CDH17: variants seen among roughly 807,000 people sequenced by gnomAD.
CDH17 encodes cadherin-17.
A neutral mutation model predicts 86.3 loss-of-function variants in CDH17; 67 were observed. That is an observed-to-expected ratio of 0.78 (90% CI 0.64 to 0.95). The LOEUF (loss-of-function observed/expected upper bound fraction) is 0.95. Among genes scored for constraint, CDH17 ranks in the 40% least tolerant of loss-of-function variants. The pLI is 0.00. For synonymous variants in CDH17, 367 were observed against 366.4 expected, an observed-to-expected ratio of 1.00 and a Z score of -0.02; for missense variants, 993 against 1,017.6, an observed-to-expected ratio of 0.98 and a Z score of 0.33.
chr8:94,156,002 C>T (rs1008693841), intron 12 of CDH17, among the ~76,000 whole-genome samples: 5 of 152,154 alleles, frequency 3.3e-5, no homozygotes, highest in African/African-American at 7.2e-5. Context: ...AAGCCTTGTC[C>T]GGCCACGTGC....
intron 15 of CDH17, among the ~76,000 whole-genome samples, chr8:94,136,631 G>A (rs1487963964): frequency 1.3e-5 from 2 of 152,188 alleles, no homozygotes; most frequent in Non-Finnish European, 1.5e-5. Context: ...ACCTTCTGAA[G>A]CCTGCTTCTG....
At chr8:94,151,829 A>C (rs1384862641) in intron 13 of CDH17, 39 bp downstream of exon 13, 3 of 1,611,496 alleles carry the variant, frequency 1.9e-6, no homozygotes, top group Non-Finnish European at 1.7e-6. Context: ...GGCTTTGGTG[A>C]CCACGCAGCC....
chr8:94,180,709 C>T (rs1473076057), intron 3 of CDH17, among the ~76,000 whole-genome samples: 7 of 152,054 alleles, frequency 4.6e-5, no homozygotes, highest in Non-Finnish European at 8.8e-5. Context: ...TCCTGGCTAA[C>T]ACGGTGAAAC....
chr8:94,201,219 T>C (rs1223939532), intron 1 of CDH17, among the ~76,000 whole-genome samples: 1 of 152,190 alleles, frequency 6.6e-6, no homozygotes, highest in Non-Finnish European at 1.5e-5. Context: ...AATGTATCTC[T>C]GTGTCTCACT....
rs565658333 is a variant in CDH17, at chr8:94,161,340, C to T, written c.1359+746G>A. On this transcript the variant is annotated intron_variant, in intron 11 of 17. Coordinates refer to ENST00000027335, the MANE Select transcript of CDH17 (RefSeq NM_004063.4). ...AATCAATTCCCTTCTTTGTTGCAGG[C>T]TTGTCCCTATTTTGATTTATGAACA... Among the ~76,000 whole-genome samples the T allele has an allele frequency of 2.0e-5, 3 of 152,298 alleles. No individual in the cohort carries two copies. In the South Asian group the frequency reaches 6.2e-4, roughly 32 times the overall value.
At chr8:94,145,798 C>G in intron 15 of CDH17, 130 bp downstream of exon 15, 1 of 1,050,972 alleles carries the variant, frequency 9.5e-7, no homozygotes, top group Non-Finnish European at 1.4e-6. Flanking sequence ...GTACAAGCTT[C>G]CAAAGCATGA....
intron 15 of CDH17, among the ~76,000 whole-genome samples, chr8:94,138,827 C>T (rs1200705093): frequency 1.3e-5 from 2 of 152,184 alleles, no homozygotes; most frequent in Non-Finnish European, 2.9e-5. Flanking sequence ...AAATGCTGCC[C>T]TGGCCCTATC....
At chr8:94,151,143 C>A (rs2130602496) in intron 13 of CDH17, among the ~76,000 whole-genome samples, 1 of 152,284 alleles carries the variant, frequency 6.6e-6, no homozygotes, top group South Asian at 2.1e-4. Flanking sequence ...GTGTAATGTA[C>A]AACAGCAGCG....
At chr8:94,145,092 A>G (rs1812714891) in intron 15 of CDH17, among the ~76,000 whole-genome samples, 1 of 152,220 alleles carries the variant, frequency 6.6e-6, no homozygotes, top group African/African-American at 2.4e-5. Flanking sequence ...AAGTAGTTCA[A>G]CCTTTCCTTA....
In CDH17 at chr8:94,146,109, G is replaced by T. The variant is rs779412799; in HGVS notation, c.1986C>A (p.Asp662Glu). 4.3e-6 allele frequency: 7 copies of T among 1,611,678 alleles called. 1 individual carries two copies. The South Asian group carries it at 6.6e-5, about 15-fold the overall frequency. ...EFHLILMDVN[D>E]NPPRLAKDYT... ...AGTCCTTGGCTAGCCTGGGAGGGTT[G>T]TCATTCACATCCATAAGGATCAGGT... Residue 662 changes from aspartate to glutamate, a missense_variant, in exon 15 of 18, where the codon GAC becomes GAA. Coordinates refer to ENST00000027335, the MANE Select transcript of CDH17 (RefSeq NM_004063.4).
chr8:94,172,670 C>T lies in CDH17; in HGVS notation c.783+1127G>A, dbSNP rs1813292074. 2.6e-5 allele frequency among the ~76,000 whole-genome samples: 4 copies of T among 152,196 alleles called. No homozygotes were observed. The South Asian group carries it at 8.3e-4, about 32-fold the overall frequency. On this transcript the variant is annotated intron_variant, in intron 7 of 17. Transcript: ENST00000027335. ...GAATATGATTTTGTTCATCTGCTTC[C>T]AAATCCAGGGATCTCCCACTAACCC...
At chr8:94,167,072 T>A in intron 9 of CDH17, among the ~76,000 whole-genome samples, 1 of 152,178 alleles carries the variant, frequency 6.6e-6, no homozygotes, top group East Asian at 1.9e-4. Context: ...CTAGATTGCA[T>A]CTAAGCAACT....
At chr8:94,172,880 G>A (rs549473896) in intron 7 of CDH17, among the ~76,000 whole-genome samples, 1 of 152,272 alleles carries the variant, frequency 6.6e-6, no homozygotes, top group South Asian at 2.1e-4. Context: ...AGTGCCAGGG[G>A]TGAGGGAGTT....
At position 94,130,924 on chromosome 8, in the gene CDH17, T is replaced by C. The variant is rs773474977; in HGVS notation, c.2236A>G (p.Ile746Val). 1 of 1,612,386 alleles carries C rather than the reference T, an allele frequency of 6.2e-7. No individual in the cohort carries two copies. Among genetic ancestry groups the C allele is most frequent in the South Asian group, 1.1e-5 (1 of 91,052 alleles). Residue 746 changes from isoleucine (I) to valine (V), a missense_variant, in exon 16 of 18, where the codon ATC (isoleucine) becomes GTC (valine). Coordinates refer to ENST00000027335, the MANE Select transcript of CDH17 (RefSeq NM_004063.4). ...EEREYVVLIR[I>V]NDGGRPPLEG... ...AAGGGTGGCCGACCCCCATCATTGA[T>C]GCGGATCAAGACGACATACTCCCTC...
At chr8:94,151,169 A>G (rs1193686633) in intron 13 of CDH17, among the ~76,000 whole-genome samples, 1 of 152,254 alleles carries the variant, frequency 6.6e-6, no homozygotes, top group African/African-American at 2.4e-5. Context: ...TCTGAGTTCA[A>G]GTCTTAACTA....
At chr8:94,149,686 G>A (rs1013132174) in intron 13 of CDH17, among the ~76,000 whole-genome samples, 1 of 152,194 alleles carries the variant, frequency 6.6e-6, no homozygotes, top group African/African-American at 2.4e-5. Context: ...GCAGAAGGTG[G>A]CAAAAGGTGA....
chr8:94,213,440 A>G (rs1022711676), upstream of CDH17, among the ~76,000 whole-genome samples: 16 of 152,210 alleles, frequency 1.1e-4, no homozygotes, highest in Non-Finnish European at 1.0e-4. Flanking sequence ...GTCTGAGATA[A>G]TGATGCAGTC....
intron 3 of CDH17, among the ~76,000 whole-genome samples, chr8:94,180,681 A>G (rs28840369): frequency 0.56 from 85,073 of 151,904 alleles, 25,122 homozygotes; most frequent in African/African-American, 0.75. Context: ...CAGTCACGAG[A>G]TTAGGAGATC....
chr8:94,127,506 C>CTTTTAT lies in CDH17; in HGVS notation c.*728_*733dup, dbSNP rs1213234404. 6.6e-6 allele frequency: 1 copy of CTTTTAT among 152,168 alleles called. No homozygotes were observed. Among genetic ancestry groups the CTTTTAT allele is most frequent in the African/African-American group, 2.4e-5 (1 of 41,464 alleles). The allele number at this position is 152,168 out of a possible 1,614,324, so 9.4% of individuals were successfully genotyped here. A position where few individuals can be genotyped will look rare whatever the true frequency, so the allele number is the denominator to read the frequency against. The stretch of plus-strand genomic sequence containing the variant: ...GTTAATACTAAGGGAAAAGGCTGTT[C>CTTTTAT]TTTTATTTATTTATTTTTCCTGAGT... On this transcript the variant is annotated 3_prime_UTR_variant, in exon 18 of 18. Coordinates refer to ENST00000027335, the MANE Select transcript of CDH17 (RefSeq NM_004063.4).
Sources: gnomAD v4.1 joint callset for allele counts (sites outside exome capture counted in the v4.1 genomes callset) on GRCh38, gnomAD v4.1.1 for gene constraint, MANE v1.5 for transcripts, NCBI Gene and HGNC (gene_info 2026-07-23, HGNC 2026-07-21) for gene names.